SLAIN1: variants seen among roughly 807,000 people sequenced by gnomAD.
SLAIN1 encodes SLAIN family member 1.
A neutral mutation model predicts 55.4 loss-of-function variants in SLAIN1; 17 were observed. The ratio of observed to expected loss-of-function variants is 0.31; its 90% CI spans 0.21 to 0.46. The LOEUF (loss-of-function observed/expected upper bound fraction) is 0.46. SLAIN1 is among the 20% of genes least tolerant of loss of function. The pLI, the probability that SLAIN1 is intolerant of heterozygous loss-of-function variation, is 1.00. For missense variants in SLAIN1, 682 were observed against 785.1 expected (o/e 0.87, Z 1.57); for synonymous variants, 348 against 337.4 (o/e 1.03, Z -0.35).
intron 2 of SLAIN1, among the ~76,000 whole-genome samples, chr13:77,739,769 G>T (rs554445636): frequency 6.6e-6 from 1 of 152,106 alleles, no homozygotes; most frequent in South Asian, 2.1e-4. Context: ...TCTGTCGTCT[G>T]CCTTTTTATG....
intron 2 of SLAIN1, among the ~76,000 whole-genome samples, chr13:77,730,291 C>T (rs1872793804): frequency 6.6e-6 from 1 of 152,116 alleles, no homozygotes. Context: ...AGGATATTAC[C>T]TGAATTGTCT....
chr13:77,760,344 A>G (rs1874915767), intron 5 of SLAIN1, among the ~76,000 whole-genome samples: 1 of 152,238 alleles, frequency 6.6e-6, no homozygotes, highest in Admixed American at 6.5e-5. Context: ...CAACTCAGAT[A>G]GATAAATGAC....
At chr13:77,707,174 G>A (rs1462644516) in intron 1 of SLAIN1, among the ~76,000 whole-genome samples, 1 of 150,536 alleles carries the variant, frequency 6.6e-6, no homozygotes, top group Admixed American at 6.6e-5. Flanking sequence ...CATTCCATCT[G>A]GCTTAATCAC....
intron 3 of SLAIN1, among the ~76,000 whole-genome samples, chr13:77,745,797 A>G (rs1209709907): frequency 6.6e-6 from 1 of 152,144 alleles, no homozygotes; most frequent in Admixed American, 6.6e-5. Flanking sequence ...CTCTTTCTAA[A>G]AATATATATG....
At chr13:77,748,434 G>GT (rs1377731486) in intron 4 of SLAIN1, among the ~76,000 whole-genome samples, 2 of 74,856 alleles carry the variant, frequency 2.7e-5, no homozygotes, top group African/African-American at 1.1e-4. Context: ...TACTTAAAGT[G>GT]TTTTAGAACA....
chr13:77,713,915 CA>C (rs1482737317), intron 1 of SLAIN1, among the ~76,000 whole-genome samples: 2 of 151,802 alleles, frequency 1.3e-5, no homozygotes, highest in East Asian at 1.9e-4. Flanking sequence ...AGCAAACTAA[CA>C]CAGGAACAGA....
chr13:77,739,765 G>A lies in SLAIN1; in HGVS notation c.767-4518G>A, dbSNP rs57619630. 8.1e-3 allele frequency among the ~76,000 whole-genome samples: 1,231 copies of A among 152,010 alleles called. 17 individuals are homozygous for A. Among genetic ancestry groups the A allele is most frequent in the African/African-American group, 0.028 (1,178 of 41,484 alleles). On this transcript the variant is annotated intron_variant, in intron 2 of 6. Transcript: ENST00000418532. ...GGTTGTTCCTTAAACCCATTCTGTC[G>A]TCTGCCTTTTTATGATTTTCTTGAT... is the stretch of plus-strand genomic sequence containing the variant.
intron 2 of SLAIN1, among the ~76,000 whole-genome samples, chr13:77,737,045 G>T (rs1433551000): frequency 1.3e-5 from 2 of 151,816 alleles, no homozygotes; most frequent in Non-Finnish European, 1.5e-5. Context: ...ACTCCATACT[G>T]GACACAAGCA....
rs1873859753 is a variant in SLAIN1 at position 77,746,865 on chromosome 13, A to G, written c.1258+10A>G. 1.3e-6 allele frequency: 2 copies of G among 1,590,030 alleles called. No homozygotes were observed. The highest frequency in any genetic ancestry group is 1.7e-6 in the Non-Finnish European group (2 of 1,165,844). ...AATAGGACCAATGGAGGTAGGTTGT[A>G]TGCTTTTTTGGTATTTGATATGCTT... is the stretch of plus-strand genomic sequence containing the variant. On this transcript the variant is annotated intron_variant, in intron 4 of 6. Transcript: ENST00000418532.
chr13:77,718,395 T>A (rs1594261790), intron 1 of SLAIN1, among the ~76,000 whole-genome samples: 1 of 152,124 alleles, frequency 6.6e-6, no homozygotes, highest in African/African-American at 2.4e-5. Context: ...CAGGGCTGAG[T>A]AGTTGTGACA....
chr13:77,761,062 T>C lies in SLAIN1; in HGVS notation c.1649T>C (p.Ile550Thr). The C allele has an allele frequency of 6.2e-7, 1 of 1,614,160 alleles. No individual in the cohort carries two copies. Among genetic ancestry groups the C allele is most frequent in the Non-Finnish European group, 8.5e-7 (1 of 1,180,000 alleles). Residue 550 changes from isoleucine (I) to threonine (T), a missense_variant, in exon 6 of 7, where the codon ATA (isoleucine) becomes ACA (threonine). Around this residue, in one of 3 missense-constraint regions of SLAIN1, gnomAD observed 244 missense variants for 295.2 expected, o/e 0.83. Coordinates refer to ENST00000418532, the MANE Select transcript of SLAIN1 (RefSeq NM_001242868.2). Reference protein sequence around the residue: ...RSALPRPSLAINGSNLPRSKI... With the variant: ...RSALPRPSLATNGSNLPRSKI... ...GCACTCCCAAGACCTTCGTTGGCAATAAATGGGAGTAACCTGCCTCGAAGC... is the reference window on the plus strand; with the variant it reads ...GCACTCCCAAGACCTTCGTTGGCAACAAATGGGAGTAACCTGCCTCGAAGC...
intron 2 of SLAIN1, among the ~76,000 whole-genome samples, chr13:77,732,149 A>G (rs550418000): frequency 1.3e-5 from 2 of 152,256 alleles, no homozygotes; most frequent in South Asian, 4.1e-4. Context: ...TAACTCAAAG[A>G]AGAGTCTTTT....
intron 2 of SLAIN1, among the ~76,000 whole-genome samples, chr13:77,733,787 C>T (rs1872985989): frequency 6.6e-6 from 1 of 152,094 alleles, no homozygotes; most frequent in South Asian, 2.1e-4. Context: ...TCCTAGACCC[C>T]ATATGCTTGT....
chr13:77,712,451 T>G (rs2091161983), intron 1 of SLAIN1, among the ~76,000 whole-genome samples: 1 of 152,160 alleles, frequency 6.6e-6, no homozygotes, highest in Admixed American at 6.5e-5. Context: ...ATGAGTGAAC[T>G]CCCATTCACA....
chr13:77,719,751 C>T, intron 2 of SLAIN1, 80 bp downstream of exon 2: 1 of 1,503,600 alleles, frequency 6.7e-7, no homozygotes, highest in Non-Finnish European at 9.1e-7. Context: ...TTGGAATAAA[C>T]ATTTCAATTG....
intron 1 of SLAIN1, among the ~76,000 whole-genome samples, chr13:77,710,647 ACT>A (rs1353278501): frequency 6.6e-6 from 1 of 152,096 alleles, no homozygotes; most frequent in African/African-American, 2.4e-5. Flanking sequence ...ATAGTGGGAG[ACT>A]CTAACACCCC....
chr13:77,751,334 T>C (rs956717048), intron 4 of SLAIN1, among the ~76,000 whole-genome samples: 1 of 152,320 alleles, frequency 6.6e-6, no homozygotes, highest in Non-Finnish European at 1.5e-5. Context: ...AAAAATTTAA[T>C]TTTAAGTTTA....
chr13:77,713,780 A>C (rs2091177183), intron 1 of SLAIN1, among the ~76,000 whole-genome samples: 1 of 152,224 alleles, frequency 6.6e-6, no homozygotes, highest in Non-Finnish European at 1.5e-5. Context: ...CCAAATGCCC[A>C]TCAATAGTAG....
In SLAIN1 at chr13:77,698,473, T is replaced by C; in HGVS notation, c.560T>C (p.Leu187Pro). 1.4e-6 allele frequency: 2 copies of C among 1,455,124 alleles called. No homozygotes were observed. Among genetic ancestry groups the C allele is most frequent in the African/African-American group, 1.5e-5 (1 of 68,026 alleles). The allele number at this position is 1,455,124 out of a possible 1,614,324, so 90.1% of individuals were successfully genotyped here. A position where few individuals can be genotyped will look rare whatever the true frequency, so the allele number is the denominator to read the frequency against. Residue 187 changes from leucine to proline, a missense_variant, in exon 1 of 7, where the codon CTG (leucine) becomes CCG (proline). Around this residue, in one of 3 missense-constraint regions of SLAIN1, gnomAD observed 401 missense variants for 417.3 expected, o/e 0.96. Transcript: ENST00000418532. The surrounding 1 kb of genome is among the most constrained non-coding windows in gnomAD (Gnocchi z 4.1). Reference sequence around the variant, plus strand: ...CCGCCCTCGCCGCCCCCCACGCTGCTGGACGAGGTGGAATTGCTGGATCTG... The same window carrying C: ...CCGCCCTCGCCGCCCCCCACGCTGCCGGACGAGGTGGAATTGCTGGATCTG... The part of the protein sequence containing the change: ...AAPPSPPPTL[L>P]DEVELLDLES...
Sources: allele counts gnomAD v4.1 joint callset (sites outside exome capture counted in the v4.1 genomes callset), GRCh38; gene constraint gnomAD v4.1.1; regional missense constraint gnomAD v4.1.1; non-coding constraint Gnocchi (gnomAD v3.1); transcripts MANE v1.5; gene names NCBI Gene and HGNC (gene_info 2026-07-23, HGNC 2026-07-21).